Variants in STXBP6 observed in about 807,000 individuals in gnomAD.
STXBP6 encodes the protein syntaxin-binding protein 6.
STXBP6 carries 21 observed loss-of-function variants against 26.9 expected under a neutral mutation model. The observed-to-expected ratio is 0.78, with a 90% CI of 0.55 to 1.12. The LOEUF (loss-of-function observed/expected upper bound fraction) is 1.12, where lower values mean the gene tolerates loss of function less well. STXBP6 is among the 50% of genes most tolerant of loss of function. STXBP6 has a pLI of 0.00. For missense variants in STXBP6, 232 were observed against 257.9 expected, an observed-to-expected ratio of 0.90 and a Z score of 0.69; for synonymous variants, 97 against 92.6, an observed-to-expected ratio of 1.05 and a Z score of -0.27.
chr14:24,976,215 C>T (rs2074041015), intron 1 of STXBP6, among the ~76,000 whole-genome samples: 1 of 152,180 alleles, frequency 6.6e-6, no homozygotes, highest in African/African-American at 2.4e-5. Flanking sequence ...AGTAAAAGAT[C>T]ACGGGATCAT....
chr14:24,811,682 T>C lies in STXBP6; in HGVS notation c.*1027A>G, dbSNP rs1300923921. ...TATTAAATTACATTAAATAAATAGA[T>C]AGCAAAAACAACATCAAAACCTCCA... On this transcript the variant is annotated 3_prime_UTR_variant, in exon 6 of 6. Transcript: ENST00000323944. 1 of 152,020 alleles carries C rather than the reference T, an allele frequency of 6.6e-6. No individual in the cohort carries two copies. Among genetic ancestry groups the C allele is most frequent in the Non-Finnish European group, 1.5e-5 (1 of 67,984 alleles). 9.4% of individuals were successfully genotyped at this position (152,020 alleles called of 1,614,324 possible).
At chr14:24,890,420 C>A (rs1163976347) in intron 2 of STXBP6, among the ~76,000 whole-genome samples, 1 of 152,056 alleles carries the variant, frequency 6.6e-6, no homozygotes, top group Non-Finnish European at 1.5e-5. Flanking sequence ...ACAACAACAA[C>A]AAAAAGATGC....
chr14:24,846,703 C>G (rs1279837103), intron 4 of STXBP6, among the ~76,000 whole-genome samples: 2 of 152,116 alleles, frequency 1.3e-5, no homozygotes, highest in Non-Finnish European at 2.9e-5. Flanking sequence ...TGCAATGAAC[C>G]TAGTCCTGGG....
intron 4 of STXBP6, among the ~76,000 whole-genome samples, chr14:24,830,014 G>A (rs1010308543): frequency 2.6e-5 from 4 of 152,124 alleles, no homozygotes; most frequent in African/African-American, 9.7e-5. Context: ...ATCTGAAGAC[G>A]TAAGCTGTGT....
At chr14:24,872,930 G>C (rs908970545) in intron 2 of STXBP6, among the ~76,000 whole-genome samples, 3 of 152,102 alleles carry the variant, frequency 2.0e-5, no homozygotes, top group African/African-American at 7.2e-5. Context: ...TTGGGACTTT[G>C]TTGTGCCGAA....
rs539907105 is a variant in STXBP6 at position 24,835,124 on chromosome 14, C to A, written c.452-15930G>T. 5.3e-5 allele frequency among the ~76,000 whole-genome samples: 8 copies of A among 152,234 alleles called. 2 individuals carry two copies. Among genetic ancestry groups the A allele is most frequent in the Admixed American group, 3.9e-4 (6 of 15,288 alleles). On this transcript the variant is annotated intron_variant, in intron 4 of 5. Transcript: ENST00000323944. The stretch of plus-strand genomic sequence containing the variant: ...GGCTGAGGTAATAGAAGACCCTGGG[C>A]GGCCTTCCAACTTTCTTCTTCCGTG...
At chr14:25,031,686 T>C (rs898696270) in intron 1 of STXBP6, among the ~76,000 whole-genome samples, 1 of 152,202 alleles carries the variant, frequency 6.6e-6, no homozygotes, top group African/African-American at 2.4e-5. Context: ...ATAAATATTT[T>C]TGAAGAATGG....
intron 2 of STXBP6, among the ~76,000 whole-genome samples, chr14:24,918,674 A>G (rs2071864922): frequency 1.3e-5 from 2 of 152,046 alleles, no homozygotes; most frequent in Admixed American, 1.3e-4. Context: ...CTTAATTAAC[A>G]TATTTCTGGT....
At chr14:25,047,858 G>T (rs1013768137) in intron 1 of STXBP6, among the ~76,000 whole-genome samples, 6 of 152,210 alleles carry the variant, frequency 3.9e-5, no homozygotes, top group African/African-American at 9.6e-5. Context: ...GGTCAAGTCA[G>T]AGCTCCATTC....
intron 2 of STXBP6, among the ~76,000 whole-genome samples, chr14:24,861,388 A>C (rs529163307): frequency 6.6e-6 from 1 of 152,274 alleles, no homozygotes; most frequent in South Asian, 2.1e-4. Flanking sequence ...GAAAAGAAGA[A>C]AGCAAGCTTC....
chr14:24,910,031 G>A (rs974429448), intron 2 of STXBP6, among the ~76,000 whole-genome samples: 1 of 151,934 alleles, frequency 6.6e-6, no homozygotes, highest in Non-Finnish European at 1.5e-5. Context: ...TTAAGGAGCA[G>A]TTGAGACCTC....
intron 1 of STXBP6, among the ~76,000 whole-genome samples, chr14:24,991,886 C>G (rs561897701): frequency 6.6e-6 from 1 of 152,282 alleles, no homozygotes; most frequent in South Asian, 2.1e-4. Flanking sequence ...CCCCTACATC[C>G]ACTCCCAGCT....
In STXBP6 at chr14:24,814,636, G is replaced by T. The variant is rs561674070; in HGVS notation, c.610-1904C>A. On this transcript the variant is annotated intron_variant, in intron 5 of 5. Transcript: ENST00000323944. ...ATTTGCAGAAATACAGTTAAGACTG[G>T]ACATTTTGCTATTTGAGTATTGGCA... is the stretch of plus-strand genomic sequence containing the variant. 9.8e-5 allele frequency among the ~76,000 whole-genome samples: 15 copies of T among 152,316 alleles called. No individual in the cohort carries two copies. In the South Asian group the frequency reaches 3.1e-3, roughly 32 times the overall value.
rs937294488 is a variant in STXBP6, at chr14:24,811,808, T to C, written c.*901A>G. The C allele has an allele frequency of 3.9e-5, 6 of 152,186 alleles. No individual in the cohort carries two copies. Among genetic ancestry groups the C allele is most frequent in the African/African-American group, 1.2e-4 (5 of 41,440 alleles). 9.4% of individuals were successfully genotyped at this position (152,186 alleles called of 1,614,324 possible). ...AAAAAGACAAGACAAACATTTTAAA[T>C]GTACTACTTGTTCACATTATCATTG... On this transcript the variant is annotated 3_prime_UTR_variant, in exon 6 of 6. Transcript: ENST00000323944.
intron 1 of STXBP6, among the ~76,000 whole-genome samples, chr14:25,046,521 A>G (rs1463393938): frequency 2.0e-5 from 3 of 150,306 alleles, no homozygotes; most frequent in Non-Finnish European, 4.5e-5. Flanking sequence ...ATAAAGCATG[A>G]CAGTGAGCTG....
At chr14:24,882,348 C>T (rs1409942547) in intron 2 of STXBP6, among the ~76,000 whole-genome samples, 1 of 118,728 alleles carries the variant, frequency 8.4e-6, no homozygotes, top group Non-Finnish European at 1.7e-5. Context: ...CACTGCACTC[C>T]AGCCTGGGCG....
chr14:24,819,385 A>G (rs760230547), intron 4 of STXBP6, 191 bp from the exon 5 acceptor site: 3 of 660,158 alleles, frequency 4.5e-6, no homozygotes, highest in East Asian at 2.7e-5. Flanking sequence ...AAGAACACCC[A>G]CTGACTGCAG....
At chr14:24,901,025 TAC>T (rs2071192986) in intron 2 of STXBP6, among the ~76,000 whole-genome samples, 1 of 152,204 alleles carries the variant, frequency 6.6e-6, no homozygotes, top group South Asian at 2.1e-4. Context: ...TCATGAAATT[TAC>T]AACTTAAAGC....
intron 1 of STXBP6, among the ~76,000 whole-genome samples, chr14:25,030,215 G>A (rs1276855078): frequency 6.6e-6 from 1 of 152,184 alleles, no homozygotes; most frequent in African/African-American, 2.4e-5. Context: ...AGTAACAAAG[G>A]TGACTAGGCC....
Sources: allele counts gnomAD v4.1 joint callset (sites outside exome capture counted in the v4.1 genomes callset), GRCh38; gene constraint gnomAD v4.1.1; transcripts MANE v1.5; gene names NCBI Gene and HGNC (gene_info 2026-07-23, HGNC 2026-07-21).